The following PHF8 variants were observed in gnomAD, a reference collection of about 807,000 sequenced individuals.
PHF8 encodes histone lysine demethylase PHF8.
Under a neutral mutation model 74.4 loss-of-function variants are expected in PHF8, and 9 were observed. The ratio of observed to expected loss-of-function variants is 0.12; its 90% CI spans 0.07 to 0.21. PHF8 has a LOEUF of 0.21. PHF8 is among the 10% of genes least tolerant of loss of function. PHF8 has a pLI of 1.00. For missense variants in PHF8, 478 were observed against 816.6 expected, an observed-to-expected ratio of 0.59 and a Z score of 5.05; for synonymous variants, 311 against 316.6, an observed-to-expected ratio of 0.98 and a Z score of 0.19.
chrX:53,983,023 A>G (rs2065502558), intron 18 of PHF8, among the ~76,000 whole-genome samples: 1 of 110,864 alleles, frequency 9.0e-6, no homozygotes, highest in Non-Finnish European at 1.9e-5. Context: ...GCGAAACCCC[A>G]TCTGTACAAA....
At chrX:54,011,862 CAAA>C (rs11397654) in intron 7 of PHF8, among the ~76,000 whole-genome samples, 2 of 40,059 alleles carry the variant, frequency 5.0e-5, no homozygotes, top group Non-Finnish European at 1.1e-4. Context: ...GATAATTTGG[CAAA>C]AAAAAAAAAA....
chrX:54,014,264 T>A (rs781943066), intron 7 of PHF8, 113 bp downstream of exon 7: 2 of 630,521 alleles, frequency 3.2e-6, no homozygotes, highest in East Asian at 6.8e-5. Context: ...CAAATCAAAT[T>A]TTTTTTATTC....
At chrX:54,031,361 C>G (rs1455933058) in intron 2 of PHF8, among the ~76,000 whole-genome samples, 1 of 110,192 alleles carries the variant, frequency 9.1e-6, no homozygotes, top group East Asian at 2.9e-4. Context: ...AGAGCACCAT[C>G]TATAAAACCA....
intron 14 of PHF8, among the ~76,000 whole-genome samples, chrX:53,992,026 T>C (rs781953367): frequency 8.9e-6 from 1 of 112,231 alleles, no homozygotes; most frequent in Non-Finnish European, 1.9e-5. Context: ...GTATATTGCA[T>C]TTTTAAACCT....
Position 53,960,297 on chromosome X carries a change from G to C in PHF8, c.2539+2547C>G, listed in dbSNP as rs370039375. On this transcript the variant is annotated intron_variant, in intron 19 of 21. Transcript: ENST00000338154. ...TCACCGTGTTAGCCAGGATGGTCTC[G>C]ATCTCCTGACCTTGTGATCCACCCG... Among the ~76,000 whole-genome samples the C allele has an allele frequency of 2.9e-3, 308 of 107,019 alleles. 2 individuals are homozygous for C. Among genetic ancestry groups the C allele is most frequent in the African/African-American group, 9.6e-3 (284 of 29,506 alleles). The allele number at this position is 107,019 out of a possible 115,157, so 92.9% of individuals were successfully genotyped here.
intron 16 of PHF8, among the ~76,000 whole-genome samples, chrX:53,986,607 A>G (rs183104559): frequency 8.9e-6 from 1 of 112,355 alleles, no homozygotes; most frequent in African/African-American, 3.2e-5. Context: ...TTCCATTTAT[A>G]TGCTCAGCAG....
intron 7 of PHF8, among the ~76,000 whole-genome samples, chrX:54,013,488 A>C (rs2066012957): frequency 9.0e-6 from 1 of 111,627 alleles, no homozygotes; most frequent in African/African-American, 3.3e-5. Context: ...GGACATTTCC[A>C]TACATGCTGA....
At chrX:53,963,743 T>C (rs1345239945) in intron 18 of PHF8, among the ~76,000 whole-genome samples, 2 of 112,211 alleles carry the variant, frequency 1.8e-5, no homozygotes, top group Admixed American at 9.4e-5. Context: ...CAACAGATGC[T>C]GGAGAGGATG....
At chrX:53,987,655 G>A (rs1340695385) in intron 15 of PHF8, 111 bp downstream of exon 15, 1 of 668,442 alleles carries the variant, frequency 1.5e-6, no homozygotes, top group African/African-American at 2.2e-5. Flanking sequence ...GTTGCAGTGA[G>A]CCAAGATCGT....
intron 19 of PHF8, among the ~76,000 whole-genome samples, chrX:53,960,493 T>C (rs1206018022): frequency 9.2e-6 from 1 of 109,219 alleles, no homozygotes; most frequent in African/African-American, 3.3e-5. Flanking sequence ...CTCATACCTG[T>C]AATTCCAGCA....
chrX:53,973,146 G>C (rs1219925210), intron 18 of PHF8, among the ~76,000 whole-genome samples: 2 of 112,022 alleles, frequency 1.8e-5, no homozygotes, highest in African/African-American at 6.5e-5. Flanking sequence ...GGAAATGAGA[G>C]AGGACACCAA....
Position 53,973,044 on chromosome X carries a change from A to C in PHF8, c.2444-10105T>G, listed in dbSNP as rs1459720792. On this transcript the variant is annotated intron_variant, in intron 18 of 21. Coordinates refer to ENST00000338154, the MANE Select transcript of PHF8 (RefSeq NM_015107.3). ...CCATATCATGAATGAACTCCCATTCACAATTGCTACAGAAAGAATGTAATA... is the reference window on the plus strand; with the variant it reads ...CCATATCATGAATGAACTCCCATTCCCAATTGCTACAGAAAGAATGTAATA... Among the ~76,000 whole-genome samples, 5 of 111,671 alleles carry C rather than the reference A, an allele frequency of 4.5e-5. No individual in the cohort carries two copies. In the Admixed American group the frequency reaches 4.8e-4, roughly 11 times the overall value.
intron 2 of PHF8, among the ~76,000 whole-genome samples, chrX:54,035,623 C>G (rs2066439978): frequency 9.2e-6 from 1 of 108,853 alleles, no homozygotes; most frequent in Admixed American, 9.9e-5. Context: ...CAACCTACAC[C>G]CACACCCTCC....
intron 2 of PHF8, among the ~76,000 whole-genome samples, chrX:54,031,393 C>T (rs112213906): frequency 3.6e-5 from 4 of 109,607 alleles, no homozygotes; most frequent in African/African-American, 1.3e-4. Context: ...ATCCACCATT[C>T]CCACCGCCCC....
At chrX:54,019,763 A>G (rs2149883215) in intron 4 of PHF8, among the ~76,000 whole-genome samples, 1 of 91,888 alleles carries the variant, frequency 1.1e-5, no homozygotes, top group South Asian at 5.8e-4. Flanking sequence ...ACTCCAGCCT[A>G]GCCAACAGAG....
In PHF8 at chrX:54,002,305, C is replaced by T. The variant is rs782050838; in HGVS notation, c.1035-44G>A. On this transcript the variant is annotated intron_variant, in intron 9 of 21. Transcript: ENST00000338154. ...AACAACAAAAACAAGGATTCATTTA[C>T]TGAGCACCTACTATGAATCAGGTTT... The T allele has an allele frequency of 1.6e-5, 13 of 797,246 alleles. No homozygotes were observed. The East Asian group carries it at 4.1e-4, about 25-fold the overall frequency. 65.7% of individuals were successfully genotyped at this position (797,246 alleles called of 1,213,427 possible). A position where few individuals can be genotyped will look rare whatever the true frequency, so the allele number is the denominator to read the frequency against.
At chrX:54,004,607 A>C (rs1279662601) in intron 8 of PHF8, among the ~76,000 whole-genome samples, 1 of 111,526 alleles carries the variant, frequency 9.0e-6, no homozygotes, top group Non-Finnish European at 1.9e-5. Flanking sequence ...GAAATACACA[A>C]GAAACAAAAG....
chrX:53,958,698 C>T (rs1487336455), intron 19 of PHF8, among the ~76,000 whole-genome samples: 2 of 102,849 alleles, frequency 1.9e-5, no homozygotes, highest in Non-Finnish European at 3.9e-5. Context: ...ATGGCGTGAA[C>T]CCAGGAGGCG....
At chrX:54,004,939 C>T (rs1393506675) in intron 8 of PHF8, among the ~76,000 whole-genome samples, 10 of 108,312 alleles carry the variant, frequency 9.2e-5, no homozygotes, top group African/African-American at 3.1e-4. Context: ...AAAAAAAATA[C>T]TGTATCTAAA....
Sources: allele counts gnomAD v4.1 joint callset (sites outside exome capture counted in the v4.1 genomes callset), GRCh38; gene constraint gnomAD v4.1.1; transcripts MANE v1.5; gene names NCBI Gene and HGNC (gene_info 2026-07-23, HGNC 2026-07-21).